Variants in TMEM132C observed in about 807,000 individuals in gnomAD.
TMEM132C encodes the protein protein phosphatase 1, regulatory subunit 152.
Under a neutral mutation model 61.4 loss-of-function variants are expected in TMEM132C, and 29 were observed. The ratio of observed to expected loss-of-function variants is 0.47; its 90% CI spans 0.35 to 0.64. The LOEUF is 0.64. Among genes scored for constraint, TMEM132C ranks in the 30% least tolerant of loss-of-function variants. The probability of loss-of-function intolerance (pLI) is 0.00; values close to 1 mark genes in which losing one functional copy is unlikely to be tolerated. For missense variants in TMEM132C, 1,408 were observed against 1,476.9 expected (o/e 0.95, Z 0.76); for synonymous variants, 656 against 633.1 (o/e 1.04, Z -0.54).
intron 4 of TMEM132C, among the ~76,000 whole-genome samples, chr12:128,634,849 G>C (rs1954089858): frequency 6.6e-6 from 1 of 152,200 alleles, no homozygotes; most frequent in South Asian, 2.1e-4. Flanking sequence ...TGAAGTTACT[G>C]TTATTATTAG....
chr12:128,578,139 G>C (rs1032071740), intron 3 of TMEM132C, among the ~76,000 whole-genome samples: 4 of 152,318 alleles, frequency 2.6e-5, no homozygotes, highest in African/African-American at 9.6e-5. Flanking sequence ...TTGGCCTTGG[G>C]CCCGCTTCCC....
At chr12:128,316,790 A>G (rs551705774) in intron 1 of TMEM132C, among the ~76,000 whole-genome samples, 1 of 152,268 alleles carries the variant, frequency 6.6e-6, no homozygotes, top group Non-Finnish European at 1.5e-5. Flanking sequence ...TTTTGACCAC[A>G]GGTACAGAAT....
chr12:128,477,238 A>G (rs941888743), intron 2 of TMEM132C, among the ~76,000 whole-genome samples: 3 of 152,162 alleles, frequency 2.0e-5, no homozygotes, highest in Non-Finnish European at 4.4e-5. Context: ...CTCACACGTC[A>G]GTTGGGTAGA....
intron 4 of TMEM132C, among the ~76,000 whole-genome samples, chr12:128,662,187 T>C (rs1274108805): frequency 6.6e-6 from 1 of 152,238 alleles, no homozygotes; most frequent in Non-Finnish European, 1.5e-5. Context: ...TATTTTATTT[T>C]CTATTCCTCC....
chr12:128,622,102 G>C (rs1353758807), intron 4 of TMEM132C, among the ~76,000 whole-genome samples: 1 of 151,810 alleles, frequency 6.6e-6, no homozygotes, highest in African/African-American at 2.4e-5. Flanking sequence ...CCAGCACTTT[G>C]GGAAGCTGAG....
chr12:128,286,421 AG>A (rs1871076368), intron 1 of TMEM132C, among the ~76,000 whole-genome samples: 1 of 152,238 alleles, frequency 6.6e-6, no homozygotes, highest in South Asian at 2.1e-4. Context: ...TTGTGAGGCC[AG>A]GGCCACTCCC....
In TMEM132C at chr12:128,354,525, T is replaced by A. The variant is rs117206340; in HGVS notation, c.86-60207T>A. Among the ~76,000 whole-genome samples the A allele has an allele frequency of 7.7e-3, 1,165 of 151,822 alleles. 11 individuals carry two copies. Among genetic ancestry groups the A allele is most frequent in the Non-Finnish European group, 0.013 (899 of 67,926 alleles). On this transcript the variant is annotated intron_variant, in intron 1 of 8. Transcript: ENST00000435159. ...TTTGCTTCCCTCCTTCTTCTCTCTC[T>A]CTTTGCCACTCCCTCCCCCACCTCT...
At chr12:128,557,435 A>G (rs1874367315) in intron 3 of TMEM132C, among the ~76,000 whole-genome samples, 1 of 152,220 alleles carries the variant, frequency 6.6e-6, no homozygotes, top group Non-Finnish European at 1.5e-5. Flanking sequence ...TTTTAGGGGA[A>G]GGCTGGGAAG....
intron 1 of TMEM132C, among the ~76,000 whole-genome samples, chr12:128,322,050 A>G (rs371472637): frequency 2.0e-5 from 3 of 152,218 alleles, no homozygotes; most frequent in South Asian, 2.1e-4. Flanking sequence ...CTACTTCTCA[A>G]TAAGAGATAG....
intron 1 of TMEM132C, among the ~76,000 whole-genome samples, chr12:128,268,722 GT>G (rs1870404714): frequency 6.6e-6 from 1 of 151,980 alleles, no homozygotes; most frequent in African/African-American, 2.4e-5. Context: ...TAAAAGTAGC[GT>G]TTGCTTTTCA....
intron 1 of TMEM132C, among the ~76,000 whole-genome samples, chr12:128,342,006 C>A (rs1165512381): frequency 1.3e-5 from 2 of 151,618 alleles, no homozygotes; most frequent in African/African-American, 4.9e-5. Flanking sequence ...CCTGGCCACA[C>A]TTCTTTTTTT....
chr12:128,413,475 T>G (rs554979996), intron 1 of TMEM132C, among the ~76,000 whole-genome samples: 2 of 151,934 alleles, frequency 1.3e-5, no homozygotes, highest in South Asian at 4.2e-4. Flanking sequence ...CGCTTTTCAT[T>G]CTCAGCAGCA....
chr12:128,603,375 T>C (rs1876274267), intron 3 of TMEM132C, among the ~76,000 whole-genome samples: 1 of 152,052 alleles, frequency 6.6e-6, no homozygotes, highest in Non-Finnish European at 1.5e-5. Context: ...TACCACAGGG[T>C]CTAACCAAGA....
chr12:128,533,367 T>C (rs1483834860), intron 2 of TMEM132C, among the ~76,000 whole-genome samples: 3 of 152,176 alleles, frequency 2.0e-5, no homozygotes, highest in Non-Finnish European at 4.4e-5. Flanking sequence ...TATTGCTTGC[T>C]TCTTTATTTT....
intron 5 of TMEM132C, among the ~76,000 whole-genome samples, chr12:128,688,257 A>T (rs1954693039): frequency 6.6e-6 from 1 of 152,244 alleles, no homozygotes; most frequent in African/African-American, 2.4e-5. Context: ...CCTAGTATCA[A>T]CAACATGGCT....
chr12:128,634,705 C>T (rs1011947387), intron 4 of TMEM132C, among the ~76,000 whole-genome samples: 3 of 152,214 alleles, frequency 2.0e-5, no homozygotes, highest in Non-Finnish European at 2.9e-5. Flanking sequence ...GAGTAAAACC[C>T]ACTTTCCTTC....
At chr12:128,503,014 C>T (rs1188049687) in intron 2 of TMEM132C, among the ~76,000 whole-genome samples, 1 of 152,230 alleles carries the variant, frequency 6.6e-6, no homozygotes, top group Non-Finnish European at 1.5e-5. Context: ...GTGCCATTAC[C>T]TTGAGCATTG....
chr12:128,379,966 T>C (rs1023865933), intron 1 of TMEM132C, among the ~76,000 whole-genome samples: 6 of 152,206 alleles, frequency 3.9e-5, no homozygotes, highest in Non-Finnish European at 7.3e-5. Context: ...ATAGAGACAC[T>C]AGCCGATCAA....
intron 2 of TMEM132C, among the ~76,000 whole-genome samples, chr12:128,527,531 A>G (rs1873127704): frequency 6.6e-6 from 1 of 152,120 alleles, no homozygotes; most frequent in Non-Finnish European, 1.5e-5. Context: ...AAGAAGTTAG[A>G]AGTTACTTAA....
Sources: gnomAD v4.1 joint callset for allele counts (sites outside exome capture counted in the v4.1 genomes callset) on GRCh38, gnomAD v4.1.1 for gene constraint, MANE v1.5 for transcripts, NCBI Gene and HGNC (gene_info 2026-07-23, HGNC 2026-07-21) for gene names.